Variants in TRABD2B observed in about 807,000 individuals in gnomAD.
TRABD2B encodes TraB domain containing 2B, also known as metalloprotease TIKI2.
In TRABD2B, 14 loss-of-function variants were observed where a neutral mutation model predicts 40.1. That is an observed-to-expected ratio of 0.35 (90% CI 0.23 to 0.55). TRABD2B has a LOEUF of 0.55. Among genes scored for constraint, TRABD2B ranks in the 20% least tolerant of loss-of-function variants. The pLI, the probability that TRABD2B is intolerant of heterozygous loss-of-function variation, is 0.90. For synonymous variants in TRABD2B, 263 were observed against 277.0 expected, an observed-to-expected ratio of 0.95 and a Z score of 0.50; for missense variants, 541 against 648.6, an observed-to-expected ratio of 0.83 and a Z score of 1.80.
At chr1:47,995,791 T>C (rs1186902192) in intron 1 of TRABD2B, among the ~76,000 whole-genome samples, 1 of 152,222 alleles carries the variant, frequency 6.6e-6, no homozygotes, top group Non-Finnish European at 1.5e-5. Context: ...TCCCAGCATG[T>C]TGGCGATAGA....
At chr1:47,874,044 A>T (rs1644182956) in intron 2 of TRABD2B, among the ~76,000 whole-genome samples, 1 of 152,104 alleles carries the variant, frequency 6.6e-6, no homozygotes, top group Non-Finnish European at 1.5e-5. Flanking sequence ...AAAGAAGACT[A>T]CCTGTCTAGC....
intron 2 of TRABD2B, among the ~76,000 whole-genome samples, chr1:47,810,685 T>C (rs1644952888): frequency 6.6e-6 from 1 of 152,234 alleles, no homozygotes; most frequent in South Asian, 2.1e-4. Context: ...TGTCAGAATA[T>C]TCACGAAGGT....
intron 2 of TRABD2B, among the ~76,000 whole-genome samples, chr1:47,897,614 T>C (rs1035756744): frequency 2.0e-5 from 3 of 152,220 alleles, no homozygotes; most frequent in African/African-American, 7.2e-5. Flanking sequence ...ATATCTCAGA[T>C]CCTGTATTCA....
intron 2 of TRABD2B, among the ~76,000 whole-genome samples, chr1:47,958,910 T>A (rs541657368): frequency 1.3e-5 from 2 of 152,194 alleles, no homozygotes; most frequent in Non-Finnish European, 2.9e-5. Flanking sequence ...AGAATATACA[T>A]TCTTCTCAGC....
chr1:47,976,156 G>A (rs1645752811), intron 2 of TRABD2B, among the ~76,000 whole-genome samples: 1 of 152,138 alleles, frequency 6.6e-6, no homozygotes, highest in African/African-American at 2.4e-5. Context: ...CCTAATTTCT[G>A]CCTGCTCTAA....
intron 4 of TRABD2B, among the ~76,000 whole-genome samples, chr1:47,780,040 G>A (rs1261794602): frequency 2.0e-5 from 3 of 152,160 alleles, no homozygotes; most frequent in African/African-American, 7.2e-5. Flanking sequence ...CAACTCCTCA[G>A]GAAGTCTCCC....
intron 2 of TRABD2B, among the ~76,000 whole-genome samples, chr1:47,993,829 T>C (rs1557701553): frequency 6.6e-6 from 1 of 152,144 alleles, no homozygotes; most frequent in Non-Finnish European, 1.5e-5. Flanking sequence ...CGCAGACTCT[T>C]ACCCCAAATT....
intron 2 of TRABD2B, among the ~76,000 whole-genome samples, chr1:47,887,586 G>T (rs1056872281): frequency 6.6e-6 from 1 of 151,998 alleles, no homozygotes; most frequent in Non-Finnish European, 1.5e-5. Flanking sequence ...GGGGCCGGCG[G>T]GGGGTGGGTG....
rs1048746175 is a variant in TRABD2B at position 47,994,511 on chromosome 1, G to C, written c.189C>G (p.Arg63=). 1 of 1,536,056 alleles carries C rather than the reference G, an allele frequency of 6.5e-7. No individual in the cohort carries two copies. ...LFGTIHVPYT[R]VWDFIPDNSK... ...AGTTGTCCGGGATGAAGTCCCAGAC[G>C]CGGGTGTAGGGGACGTGAATAGTGC... is the stretch of plus-strand genomic sequence containing the variant. Residue 63 remains arginine, a synonymous_variant, in exon 2 of 7, where the codon CGC becomes CGG. Transcript: ENST00000606738. This position sits in a 1 kb window ranked among gnomAD's most constrained non-coding sequence, Gnocchi z 6.7.
intron 2 of TRABD2B, among the ~76,000 whole-genome samples, chr1:47,992,972 T>A (rs750620251): frequency 2.2e-4 from 33 of 152,238 alleles, no homozygotes; most frequent in Non-Finnish European, 3.8e-4. Context: ...GCCAGAGATC[T>A]TGGAAAGGGG....
chr1:47,884,487 C>T (rs540549069), intron 2 of TRABD2B, among the ~76,000 whole-genome samples: 8 of 152,322 alleles, frequency 5.3e-5, no homozygotes, highest in South Asian at 2.1e-4. Context: ...ACCTACACAC[C>T]GGCTGGTAAG....
At chr1:47,775,511 C>T in intron 5 of TRABD2B, 72 bp from the exon 6 acceptor site, 1 of 1,218,374 alleles carries the variant, frequency 8.2e-7, no homozygotes. Flanking sequence ...GAATACAGTC[C>T]AATTCAGTGG....
chr1:47,814,865 C>T (rs1252420580), intron 2 of TRABD2B, among the ~76,000 whole-genome samples: 1 of 152,194 alleles, frequency 6.6e-6, no homozygotes, highest in Non-Finnish European at 1.5e-5. Flanking sequence ...CTGCTTTTTG[C>T]CTGTCTGAAG....
At position 47,760,764 on chromosome 1, in the gene TRABD2B, C is replaced by G. The variant is rs1385340658; in HGVS notation, c.*5138G>C. The G allele has an allele frequency of 6.6e-6, 1 of 152,140 alleles. No individual in the cohort carries two copies. The highest frequency in any genetic ancestry group is 2.4e-5 in the African/African-American group (1 of 41,420). The allele number at this position is 152,140 out of a possible 1,614,324, so 9.4% of individuals were successfully genotyped here. ...ACTCGGGGACAAGCTCTGTGAGGCT[C>G]AAGAATGGGGCAGGGGCTCTGGCTT... is the stretch of plus-strand genomic sequence containing the variant. On this transcript the variant is annotated 3_prime_UTR_variant, in exon 7 of 7. Coordinates refer to ENST00000606738, the MANE Select transcript of TRABD2B (RefSeq NM_001194986.2).
At chr1:47,811,037 C>T (rs1644958005) in intron 2 of TRABD2B, among the ~76,000 whole-genome samples, 1 of 152,150 alleles carries the variant, frequency 6.6e-6, no homozygotes, top group African/African-American at 2.4e-5. Context: ...GGAGAATTTC[C>T]AGCACAAGGG....
intron 2 of TRABD2B, among the ~76,000 whole-genome samples, chr1:47,932,106 C>G (rs1645047386): frequency 6.6e-6 from 1 of 152,114 alleles, no homozygotes; most frequent in South Asian, 2.1e-4. Context: ...ATTTAAGATG[C>G]CTGGTGCACA....
chr1:47,926,786 C>A (rs1644974982), intron 2 of TRABD2B, among the ~76,000 whole-genome samples: 1 of 152,176 alleles, frequency 6.6e-6, no homozygotes, highest in African/African-American at 2.4e-5. Flanking sequence ...CAGACTGGTG[C>A]CAACTACTCA....
intron 2 of TRABD2B, among the ~76,000 whole-genome samples, chr1:47,987,615 T>A (rs1377161970): frequency 6.6e-6 from 1 of 152,100 alleles, no homozygotes; most frequent in African/African-American, 2.4e-5. Context: ...GATAATATAT[T>A]AAATATTAAG....
chr1:47,997,167 G>T lies in TRABD2B; in HGVS notation c.-378C>A, dbSNP rs1343940631. 1 of 983,714 alleles carries T rather than the reference G, an allele frequency of 1.0e-6. No individual in the cohort carries two copies. The highest frequency in any genetic ancestry group is 1.2e-6 in the Non-Finnish European group (1 of 829,378). 60.9% of individuals were successfully genotyped at this position (983,714 alleles called of 1,614,324 possible). A position where few individuals can be genotyped will look rare whatever the true frequency, so the allele number is the denominator to read the frequency against. On this transcript the variant is annotated 5_prime_UTR_variant, in exon 1 of 7. Coordinates refer to ENST00000606738, the MANE Select transcript of TRABD2B (RefSeq NM_001194986.2). Reference sequence around the variant, plus strand: ...AACCCGGGGTGCGCAAGGGTCCCGGGGTTATGCTGGGCACCCGGGGCACGC... The same window carrying T: ...AACCCGGGGTGCGCAAGGGTCCCGGTGTTATGCTGGGCACCCGGGGCACGC...
Sources: allele counts gnomAD v4.1 joint callset (sites outside exome capture counted in the v4.1 genomes callset), GRCh38; gene constraint gnomAD v4.1.1; non-coding constraint Gnocchi (gnomAD v3.1); transcripts MANE v1.5; gene names NCBI Gene and HGNC (gene_info 2026-07-23, HGNC 2026-07-21).